Variants in IQSEC3 observed in about 807,000 individuals in gnomAD.
IQSEC3 encodes the protein IQ motif and Sec7 domain ArfGEF 3.
Under a neutral mutation model 105.4 loss-of-function variants are expected in IQSEC3, and 50 were observed. The ratio of observed to expected loss-of-function variants is 0.47; its 90% CI spans 0.38 to 0.60. The LOEUF (loss-of-function observed/expected upper bound fraction) is 0.60, where lower values mean the gene tolerates loss of function less well. Among genes scored for constraint, IQSEC3 ranks in the 20% least tolerant of loss-of-function variants. The pLI, the probability that IQSEC3 is intolerant of heterozygous loss-of-function variation, is 0.00. For synonymous variants in IQSEC3, 708 were observed against 746.0 expected (o/e 0.95, Z 0.83); for missense variants, 1,415 against 1,630.0 (o/e 0.87, Z 2.27).
chr12:124,774 G>A (rs1461818574), intron 2 of IQSEC3, among the ~76,000 whole-genome samples: 1 of 152,198 alleles, frequency 6.6e-6, no homozygotes, highest in African/African-American at 2.4e-5. Context: ...AGAACTTGGA[G>A]GCTAGTGGGG....
In IQSEC3 at chr12:165,887, G is replaced by C. The variant is rs781843339; in HGVS notation, c.2968G>C (p.Glu990Gln). The change falls in exon 11 of 14, where the codon GAG becomes CAG. Residue 990 changes from glutamate (E) to glutamine (Q), a missense_variant. Glu to Gln is a conservative substitution (Grantham distance 29). This residue lies in a region of IQSEC3 where 419 missense variants were observed against 436.2 expected (regional missense o/e 0.96). Coordinates refer to ENST00000538872, the MANE Select transcript of IQSEC3 (RefSeq NM_001170738.2). The stretch of plus-strand genomic sequence containing the variant: ...GACGGAGCTGGAGCAGATCCGAATA[G>C]AGTGTAAGGACACGGGCTCCCGAGG... ...EVTELEQIRI[E>Q]WELEKQQGTK... The C allele has an allele frequency of 1.2e-5, 19 of 1,613,216 alleles. No homozygotes were observed. The Admixed American group carries it at 2.8e-4, about 24-fold the overall frequency.
Position 169,001 on chromosome 12 carries a change from T to C in IQSEC3, c.2972-12T>C. ...AAGGTTTCTCTTGCTCACGGGCCTC[T>C]GCATTCCTTAGGGGAGCTGGAGAAG... On this transcript the variant is annotated splice_polypyrimidine_tract_variant and intron_variant, in intron 11 of 13. Coordinates refer to ENST00000538872, the MANE Select transcript of IQSEC3 (RefSeq NM_001170738.2). 3 of 1,613,260 alleles carry C rather than the reference T, an allele frequency of 1.9e-6. No individual in the cohort carries two copies. Among genetic ancestry groups the C allele is most frequent in the Non-Finnish European group, 2.5e-6 (3 of 1,179,240 alleles).
Position 174,618 on chromosome 12 carries a change from T to C in IQSEC3, c.3134T>C (p.Leu1045Pro). 2 of 1,552,354 alleles carry C rather than the reference T, an allele frequency of 1.3e-6. No individual in the cohort carries two copies. Among genetic ancestry groups the C allele is most frequent in the Non-Finnish European group, 1.7e-6 (2 of 1,157,694 alleles). Residue 1045 changes from leucine to proline, a missense_variant, in exon 14 of 14, where the codon CTT (leucine) becomes CCT (proline). Coordinates refer to ENST00000538872, the MANE Select transcript of IQSEC3 (RefSeq NM_001170738.2). ...AACTAGGTGTCAATTCACAACAGGC[T>C]TCAAACGTCCCAGCACAACTCCGGG... ...STVEVSIHNR[L>P]QTSQHNSGLG... is the part of the protein sequence containing the mutation.
rs1555083078 is a variant in IQSEC3, at chr12:125,701, C to A, written c.692C>A (p.Ala231Asp). The change falls in exon 3 of 14, where the codon GCC becomes GAC. Residue 231 changes from alanine to aspartate, a missense_variant. Physicochemically the swap from Ala to Asp is moderately radical, Grantham distance 126. Coordinates refer to ENST00000538872, the MANE Select transcript of IQSEC3 (RefSeq NM_001170738.2). Reference protein sequence around the residue: ...DSVVAAAAVAAGRPSAHAPKA... With the variant: ...DSVVAAAAVADGRPSAHAPKA... ...GTGGTGGCAGCGGCGGCGGTGGCAG[C>A]CGGCAGACCCAGTGCCCATGCCCCG... The A allele has an allele frequency of 6.5e-7, 1 of 1,532,338 alleles. No individual in the cohort carries two copies. The highest frequency in any genetic ancestry group is 8.7e-7 in the Non-Finnish European group (1 of 1,150,632). 94.9% of individuals were successfully genotyped at this position (1,532,338 alleles called of 1,614,324 possible).
Position 152,744 on chromosome 12 carries a change from G to C in IQSEC3, c.2154-4281G>C, listed in dbSNP as rs1866550885. On this transcript the variant is annotated intron_variant, in intron 5 of 13. Coordinates refer to ENST00000538872, the MANE Select transcript of IQSEC3 (RefSeq NM_001170738.2). This position sits in a 1 kb window ranked among gnomAD's most constrained non-coding sequence, Gnocchi z 4.8. ...GAAGAGAAGAGAGCCCAGTGGGGCA[G>C]GGAGAGGCCTCACAAGATTAGGAAG... Among the ~76,000 whole-genome samples the C allele has an allele frequency of 6.6e-6, 1 of 152,178 alleles. No homozygotes were observed. The highest frequency in any genetic ancestry group is 1.5e-5 in the Non-Finnish European group (1 of 68,028).
intron 2 of IQSEC3, among the ~76,000 whole-genome samples, chr12:110,202 T>A (rs180767255): frequency 6.6e-6 from 1 of 152,294 alleles, no homozygotes; most frequent in African/African-American, 2.4e-5. Context: ...TTCTTTCTTC[T>A]TACAAAAACC....
At chr12:94,946 G>T (rs552085546) in intron 1 of IQSEC3, among the ~76,000 whole-genome samples, 21 of 152,108 alleles carry the variant, frequency 1.4e-4, no homozygotes, top group African/African-American at 4.6e-4. Context: ...CGGAGCAGCT[G>T]GAGGCCTGGA....
At chr12:83,953 G>A (rs1026891662) in intron 1 of IQSEC3, among the ~76,000 whole-genome samples, 2 of 152,160 alleles carry the variant, frequency 1.3e-5, no homozygotes, top group Non-Finnish European at 2.9e-5. Context: ...AGATATTACA[G>A]TCCCTACTTC....
intron 1 of IQSEC3, among the ~76,000 whole-genome samples, chr12:84,142 A>G (rs1213511874): frequency 2.0e-5 from 3 of 152,252 alleles, no homozygotes; most frequent in Non-Finnish European, 4.4e-5. Flanking sequence ...AATCTGGGAC[A>G]GAGACCATTG....
chr12:133,989 C>A (rs1296374423), intron 3 of IQSEC3, among the ~76,000 whole-genome samples: 1 of 152,238 alleles, frequency 6.6e-6, no homozygotes, highest in East Asian at 1.9e-4. Context: ...AGTGCCCCAG[C>A]GGCAGCGGAG....
intron 7 of IQSEC3, among the ~76,000 whole-genome samples, chr12:159,218 C>G (rs1555095458): frequency 6.6e-6 from 1 of 152,200 alleles, no homozygotes; most frequent in Admixed American, 6.5e-5. Flanking sequence ...ATTCAGCCCC[C>G]ACTTCCCACC....
intron 9 of IQSEC3, 47 bp from the exon 10 acceptor site, chr12:165,387 G>T: frequency 1.4e-6 from 2 of 1,446,784 alleles, no homozygotes; most frequent in Non-Finnish European, 9.7e-7. Context: ...CCATGTGTCC[G>T]TGAGTGTCTG....
At chr12:118,669 C>A (rs1309212290) in intron 2 of IQSEC3, among the ~76,000 whole-genome samples, 1 of 152,198 alleles carries the variant, frequency 6.6e-6, no homozygotes, top group African/African-American at 2.4e-5. Context: ...CCTGCTCTGG[C>A]AAGCCACCCC....
Position 125,912 on chromosome 12 carries a change from G to A in IQSEC3, c.903G>A (p.Gln301=). Residue 301 remains glutamine (Q), a splice_region_variant and synonymous_variant, in exon 3 of 14, where the codon CAG becomes CAA. Transcript: ENST00000538872. ...YELSLDLKNK[Q]IEMLEHKYGG... is the part of the protein sequence containing the mutation. ...TCTCCCTTGACCTAAAGAATAAACA[G>A]GTACCCAGGGCCTCCTAGGGGGGCG... 6.5e-7 allele frequency: 1 copy of A among 1,532,616 alleles called. No homozygotes were observed. 94.9% of individuals were successfully genotyped at this position (1,532,616 alleles called of 1,614,324 possible). A position where few individuals can be genotyped will look rare whatever the true frequency, so the allele number is the denominator to read the frequency against.
intron 3 of IQSEC3, among the ~76,000 whole-genome samples, chr12:126,333 G>C (rs1555083494): frequency 6.6e-6 from 1 of 152,232 alleles, no homozygotes; most frequent in African/African-American, 2.4e-5. Context: ...GAGGCACAAA[G>C]ACAATGGTCT....
rs555078460 is a variant in IQSEC3 at position 175,200 on chromosome 12, A to G, written c.*167A>G. ...GCACCTGGGTTTGCCTCATCCAACC[A>G]TCCTTCCCTTTCTCAGCTGCACCCC... On this transcript the variant is annotated 3_prime_UTR_variant, in exon 14 of 14. Coordinates refer to ENST00000538872, the MANE Select transcript of IQSEC3 (RefSeq NM_001170738.2). 1.2e-5 allele frequency: 7 copies of G among 595,732 alleles called. No homozygotes were observed. Among genetic ancestry groups the G allele is most frequent in the Non-Finnish European group, 2.0e-5 (7 of 345,720 alleles). 36.9% of individuals were successfully genotyped at this position (595,732 alleles called of 1,614,324 possible). A position where few individuals can be genotyped will look rare whatever the true frequency, so the allele number is the denominator to read the frequency against.
At chr12:71,103 G>A (rs1466312798) in intron 1 of IQSEC3, among the ~76,000 whole-genome samples, 2 of 152,270 alleles carry the variant, frequency 1.3e-5, no homozygotes, top group Non-Finnish European at 2.9e-5. Flanking sequence ...TATCTTTTGA[G>A]CTCCCTCTTC....
intron 8 of IQSEC3, 63 bp from the exon 9 acceptor site, chr12:163,431 C>G: frequency 2.0e-6 from 3 of 1,511,406 alleles, no homozygotes; most frequent in Non-Finnish European, 2.7e-6. Context: ...GGAAAATGGG[C>G]GCGTGGGTGG....
At position 165,660 on chromosome 12, in the gene IQSEC3, G is replaced by A. The variant is rs1555098127; in HGVS notation, c.2810-69G>A. ...GCATGAGACCCCGTGCCCTCCTCAT[G>A]TCTGGCTGGCTCTGGCCCTCGGCTG... On this transcript the variant is annotated intron_variant, in intron 10 of 13. Transcript: ENST00000538872. The A allele has an allele frequency of 2.5e-6, 4 of 1,599,194 alleles. No individual in the cohort carries two copies. The African/African-American group carries it at 4.0e-5, about 16-fold the overall frequency.
Sources: allele counts gnomAD v4.1 joint callset (sites outside exome capture counted in the v4.1 genomes callset), GRCh38; gene constraint gnomAD v4.1.1; regional missense constraint gnomAD v4.1.1; non-coding constraint Gnocchi (gnomAD v3.1); transcripts MANE v1.5; gene names NCBI Gene and HGNC (gene_info 2026-07-23, HGNC 2026-07-21).